The following CREB3L1 variants were observed in gnomAD, a reference collection of about 807,000 sequenced individuals.
The protein encoded by CREB3L1 is cAMP responsive element binding protein 3 like 1, also known as cyclic AMP-responsive element-binding protein 3-like protein 1.
In CREB3L1, 33 loss-of-function variants were observed where a neutral mutation model predicts 54.5. That is an observed-to-expected ratio of 0.61 (90% CI 0.46 to 0.81). The LOEUF (loss-of-function observed/expected upper bound fraction) is 0.81, where lower values mean the gene tolerates loss of function less well. Among genes scored for constraint, CREB3L1 ranks in the 30% least tolerant of loss-of-function variants. The probability of loss-of-function intolerance (pLI) is 0.00; values close to 1 mark genes in which losing one functional copy is unlikely to be tolerated. For missense variants in CREB3L1, 656 were observed against 673.3 expected (o/e 0.97, Z 0.29); for synonymous variants, 284 against 286.4 (o/e 0.99, Z 0.08).
At chr11:46,280,258 G>A (rs1364272310) in intron 1 of CREB3L1, among the ~76,000 whole-genome samples, 1 of 150,832 alleles carries the variant, frequency 6.6e-6, no homozygotes, top group Non-Finnish European at 1.5e-5. Context: ...CGCGATCTCG[G>A]CTCACTGCAA....
At chr11:46,291,802 C>G (rs1476761657) in intron 1 of CREB3L1, among the ~76,000 whole-genome samples, 1 of 152,166 alleles carries the variant, frequency 6.6e-6, no homozygotes. Flanking sequence ...CCCAGCTGAG[C>G]CCAGGGGTCC....
rs764468204 is a variant in CREB3L1 at position 46,305,690 on chromosome 11, A to ATGTGTG, written c.332-2088_332-2083dup. On this transcript the variant is annotated intron_variant, in intron 2 of 11. Coordinates refer to ENST00000621158, the MANE Select transcript of CREB3L1 (RefSeq NM_052854.4). Reference sequence around the variant, plus strand: ...TATATATATGTGTGTGTGTGTATATATGTGTGTGTGTGTGTGTGTGTGTGT... The same window carrying ATGTGTG: ...TATATATATGTGTGTGTGTGTATATATGTGTGTGTGTGTGTGTGTGTGTGTGTGTGT... 7.8e-3 allele frequency among the ~76,000 whole-genome samples: 867 copies of ATGTGTG among 111,568 alleles called. 7 individuals carry two copies. The highest frequency in any genetic ancestry group is 0.017 in the South Asian group (54 of 3,144). 73.2% of individuals were successfully genotyped at this position (111,568 alleles called of 152,430 possible).
rs773657140 is a variant in CREB3L1 at position 46,320,523 on chromosome 11, C to T, written c.1518C>T (p.His506=). 2.6e-5 allele frequency: 37 copies of T among 1,426,242 alleles called. No individual in the cohort carries two copies. Among genetic ancestry groups the T allele is most frequent in the African/African-American group, 3.1e-5 (1 of 32,620 alleles). 88.3% of individuals were successfully genotyped at this position (1,426,242 alleles called of 1,614,324 possible). The part of the protein sequence containing the change: ...PDFSHSKEWF[H]DRDLGPNTTI... ...TCTCCCACTCCAAGGAGTGGTTCCA[C>T]GACAGGTGGGGTGTGTGGCCCCTTT... is the stretch of plus-strand genomic sequence containing the variant. Residue 506 remains histidine (H), a synonymous_variant, in exon 11 of 12, where the codon CAC becomes CAT. Coordinates refer to ENST00000621158, the MANE Select transcript of CREB3L1 (RefSeq NM_052854.4).
At chr11:46,279,216 T>G (rs1387759217) in intron 1 of CREB3L1, among the ~76,000 whole-genome samples, 2 of 152,092 alleles carry the variant, frequency 1.3e-5, no homozygotes, top group African/African-American at 4.8e-5. Context: ...TGAGACTCTT[T>G]ACCTGCTGAC....
chr11:46,298,398 A>G (rs1939243809), intron 1 of CREB3L1, among the ~76,000 whole-genome samples: 1 of 152,206 alleles, frequency 6.6e-6, no homozygotes. Flanking sequence ...TAAGGAACAA[A>G]CAATAGAAAC....
chr11:46,310,042 G>T lies in CREB3L1; in HGVS notation c.570G>T (p.Val190=). The T allele has an allele frequency of 1.2e-6, 2 of 1,600,580 alleles. No homozygotes were observed. Among genetic ancestry groups the T allele is most frequent in the South Asian group, 1.1e-5 (1 of 88,292 alleles). The change falls in exon 4 of 12, where the codon GTG becomes GTT. Residue 190 remains valine (V), a synonymous_variant. Coordinates refer to ENST00000621158, the MANE Select transcript of CREB3L1 (RefSeq NM_052854.4). The part of the protein sequence containing the change: ...LPVIKAEPLE[V]NQFLKVTPED... ...TGATCAAAGCAGAGCCTCTGGAGGTGAACCAGTTCCTCAAAGTGACACCGG... is the reference window on the plus strand; with the variant it reads ...TGATCAAAGCAGAGCCTCTGGAGGTTAACCAGTTCCTCAAAGTGACACCGG...
chr11:46,307,760 G>T (rs1041034347), intron 2 of CREB3L1, 56 bp from the exon 3 acceptor site: 35 of 1,424,944 alleles, frequency 2.5e-5, no homozygotes, highest in Non-Finnish European at 3.2e-5. Flanking sequence ...CCAGGGGGCA[G>T]GCAGGGGGCT....
intron 1 of CREB3L1, among the ~76,000 whole-genome samples, chr11:46,299,079 T>C (rs1939253817): frequency 1.3e-5 from 2 of 152,180 alleles, no homozygotes; most frequent in Admixed American, 1.3e-4. Flanking sequence ...CACACACAAC[T>C]GTGATTTTTT....
chr11:46,302,604 T>A (rs1050963437), intron 2 of CREB3L1, among the ~76,000 whole-genome samples: 2 of 152,248 alleles, frequency 1.3e-5, no homozygotes, highest in Admixed American at 6.5e-5. Context: ...CAGATTGCCT[T>A]CATGTTAATT....
At position 46,306,540 on chromosome 11, in the gene CREB3L1, C is replaced by T. The variant is rs1465580267; in HGVS notation, c.332-1276C>T. Among the ~76,000 whole-genome samples the T allele has an allele frequency of 4.6e-5, 7 of 151,514 alleles. No individual in the cohort carries two copies. The South Asian group carries it at 1.3e-3, about 27-fold the overall frequency. ...AAAAAAAAATTGAGCACATACAAAA[C>T]TCTTCAGCGGCTCCCCATTTGCTTT... On this transcript the variant is annotated intron_variant, in intron 2 of 11. Coordinates refer to ENST00000621158, the MANE Select transcript of CREB3L1 (RefSeq NM_052854.4).
chr11:46,312,972 G>A, intron 8 of CREB3L1, 53 bp downstream of exon 8: 4 of 1,362,436 alleles, frequency 2.9e-6, no homozygotes, highest in Admixed American at 2.2e-5. Flanking sequence ...TGCAACCCGT[G>A]CCTGGCTCTG....
intron 8 of CREB3L1, among the ~76,000 whole-genome samples, chr11:46,313,371 C>T (rs1939518576): frequency 6.6e-6 from 1 of 152,126 alleles, no homozygotes; most frequent in African/African-American, 2.4e-5. Context: ...AGACAGGCAA[C>T]ATCAGCATCA....
At chr11:46,283,346 A>C (rs547086981) in intron 1 of CREB3L1, among the ~76,000 whole-genome samples, 1 of 152,364 alleles carries the variant, frequency 6.6e-6, no homozygotes, top group South Asian at 2.1e-4. Flanking sequence ...ACCTTACTGC[A>C]CAAAGCAGAC....
At position 46,320,678 on chromosome 11, in the gene CREB3L1, A is replaced by G. The variant is rs1326579261; in HGVS notation, c.1524-32A>G. 7 of 1,603,948 alleles carry G rather than the reference A, an allele frequency of 4.4e-6. No homozygotes were observed. In the East Asian group the frequency reaches 1.6e-4, roughly 36 times the overall value. On this transcript the variant is annotated intron_variant, in intron 11 of 11. Coordinates refer to ENST00000621158, the MANE Select transcript of CREB3L1 (RefSeq NM_052854.4). The stretch of plus-strand genomic sequence containing the variant: ...CAGAGGGTAAGAGGGTTCCTGCTGG[A>G]CAGTCATCGCTGGCCTCTCTTCTCT...
chr11:46,316,426 G>C, intron 9 of CREB3L1, 41 bp downstream of exon 9: 3 of 1,342,342 alleles, frequency 2.2e-6, no homozygotes, highest in Non-Finnish European at 3.1e-6. Context: ...CAGGAGGAGA[G>C]TTCTTCCCAA....
Position 46,278,267 on chromosome 11 carries a change from C to A in CREB3L1, c.102+54C>A. 1 of 1,236,692 alleles carries A rather than the reference C, an allele frequency of 8.1e-7. No individual in the cohort carries two copies. The highest frequency in any genetic ancestry group is 1.1e-6 in the Non-Finnish European group (1 of 879,212). The allele number at this position is 1,236,692 out of a possible 1,614,324, so 76.6% of individuals were successfully genotyped here. ...CACCCCTCGGCACCCGTCCTCGCGG[C>A]GCGCCTGGGCCCCTAGAAGGACCCG... On this transcript the variant is annotated intron_variant, in intron 1 of 11. Transcript: ENST00000621158. The surrounding 1 kb of genome is among the most constrained non-coding windows in gnomAD (Gnocchi z 4.2).
intron 2 of CREB3L1, among the ~76,000 whole-genome samples, 180 bp from the exon 3 acceptor site, chr11:46,307,636 T>C (rs1939418507): frequency 6.6e-6 from 1 of 152,126 alleles, no homozygotes; most frequent in Admixed American, 6.6e-5. Flanking sequence ...ATGAAGAGGA[T>C]GTCCTCACCT....
At chr11:46,314,999 A>G (rs1422903903) in intron 8 of CREB3L1, among the ~76,000 whole-genome samples, 1 of 151,908 alleles carries the variant, frequency 6.6e-6, no homozygotes, top group Non-Finnish European at 1.5e-5. Context: ...GTGAGCCACC[A>G]CACCCCACCA....
At chr11:46,315,661 A>C (rs1377351352) in intron 8 of CREB3L1, 1 of 178,340 alleles carries the variant, frequency 5.6e-6, no homozygotes, top group Non-Finnish European at 1.2e-5. Context: ...CGTCTCTACT[A>C]AAAATACAAA....
Sources: allele counts gnomAD v4.1 joint callset (sites outside exome capture counted in the v4.1 genomes callset), GRCh38; gene constraint gnomAD v4.1.1; non-coding constraint Gnocchi (gnomAD v3.1); transcripts MANE v1.5; gene names NCBI Gene and HGNC (gene_info 2026-07-23, HGNC 2026-07-21).